Variants in MELK observed in about 807,000 individuals in gnomAD.
MELK encodes maternal embryonic leucine zipper kinase, also known as pEg3 kinase.
Under a neutral mutation model 85.0 loss-of-function variants are expected in MELK, and 81 were observed. That is an observed-to-expected ratio of 0.95 (90% confidence interval 0.80 to 1.15). The LOEUF is 1.15. MELK is among the 50% of genes most tolerant of loss of function. The probability of loss-of-function intolerance (pLI) is 0.00; values close to 1 mark genes in which losing one functional copy is unlikely to be tolerated. For missense variants in MELK, 754 were observed against 777.5 expected (o/e 0.97, Z 0.36); for synonymous variants, 252 against 265.0 (o/e 0.95, Z 0.48).
At chr9:36,657,459 A>G (rs1362320394) in intron 13 of MELK, 96 bp downstream of exon 13, 19 of 1,338,858 alleles carry the variant, frequency 1.4e-5, no homozygotes, top group South Asian at 3.1e-5. Flanking sequence ...TGCAAATTTA[A>G]TGAATGCTTA....
intron 8 of MELK, among the ~76,000 whole-genome samples, chr9:36,615,061 G>A (rs548635543): frequency 3.1e-5 from 4 of 128,580 alleles, no homozygotes; most frequent in East Asian, 2.3e-4. Flanking sequence ...CTGGCCGGGC[G>A]GGGGGGCTGA....
chr9:36,650,981 A>G (rs1331779449), intron 11 of MELK, among the ~76,000 whole-genome samples: 2 of 152,256 alleles, frequency 1.3e-5, no homozygotes. Context: ...AAACAAAGGT[A>G]TAAAAAAATG....
intron 15 of MELK, among the ~76,000 whole-genome samples, chr9:36,669,880 A>G (rs113271266): frequency 0.08 from 2,580 of 32,342 alleles, 68 homozygotes; most frequent in African/African-American, 0.21. Flanking sequence ...TTTCAAGACA[A>G]TTGGAGAATT....
rs1257454692 is a variant in MELK, at chr9:36,642,996, G to A, written c.835-1G>A. The A allele has an allele frequency of 2.5e-6, 4 of 1,594,898 alleles. No homozygotes were observed. In the Admixed American group the frequency reaches 5.4e-5, roughly 22 times the overall value. On this transcript the variant is annotated splice_acceptor_variant, in intron 10 of 17. Coordinates refer to ENST00000298048, the MANE Select transcript of MELK (RefSeq NM_014791.4). LOFTEE classifies it high-confidence loss of function. Reference sequence around the variant, plus strand: ...ATAAAGTGCATAATTTTTTTTTGTAGTTTATTCACCTCGATGATGATTGCG... The same window carrying A: ...ATAAAGTGCATAATTTTTTTTTGTAATTTATTCACCTCGATGATGATTGCG...
At chr9:36,609,886 G>T (rs1003399145) in intron 8 of MELK, among the ~76,000 whole-genome samples, 1 of 152,176 alleles carries the variant, frequency 6.6e-6, no homozygotes, top group Non-Finnish European at 1.5e-5. Context: ...TCTTGTTGGA[G>T]ACAGGTATAA....
intron 8 of MELK, among the ~76,000 whole-genome samples, chr9:36,613,013 C>A (rs142480791): frequency 1.6e-3 from 243 of 152,278 alleles, no homozygotes; most frequent in African/African-American, 5.7e-3. Flanking sequence ...CAGTGTTTGC[C>A]CTGTGTGCTG....
In MELK at chr9:36,677,238, A is replaced by G. The variant is rs772867608; in HGVS notation, c.1857A>G (p.Gln619=). ...MQFELEVCQL[Q]KPDVVGIRRQ... is the part of the protein sequence containing the mutation. ...TTGAATTAGAAGTGTGCCAGCTTCA[A>G]AAACCCGATGTGGTGGGTATCAGGA... The change falls in exon 18 of 18, where the codon CAA becomes CAG. Residue 619 remains glutamine (Q), a synonymous_variant. Coordinates refer to ENST00000298048, the MANE Select transcript of MELK (RefSeq NM_014791.4). 5.0e-6 allele frequency: 8 copies of G among 1,614,056 alleles called. No individual in the cohort carries two copies. The Admixed American group carries it at 1.0e-4, about 20-fold the overall frequency.
chr9:36,598,146 A>G (rs914819997), intron 6 of MELK, among the ~76,000 whole-genome samples: 3 of 150,264 alleles, frequency 2.0e-5, no homozygotes, highest in Non-Finnish European at 4.4e-5. Context: ...AGAAACTATA[A>G]GTGGAACCTT....
chr9:36,600,303 T>C (rs1824783765), intron 7 of MELK, among the ~76,000 whole-genome samples: 1 of 152,082 alleles, frequency 6.6e-6, no homozygotes, highest in Admixed American at 6.6e-5. Flanking sequence ...TTGGCCAGGC[T>C]GGTTTCAAAC....
intron 11 of MELK, among the ~76,000 whole-genome samples, chr9:36,651,375 C>T (rs1365870217): frequency 2.0e-5 from 3 of 152,022 alleles, no homozygotes; most frequent in African/African-American, 7.2e-5. Flanking sequence ...TAGGAGGATA[C>T]AGGGAGGAGA....
intron 16 of MELK, among the ~76,000 whole-genome samples, chr9:36,671,466 G>T (rs1233322609): frequency 6.6e-6 from 1 of 152,168 alleles, no homozygotes; most frequent in Non-Finnish European, 1.5e-5. Context: ...AGAGCTGAGA[G>T]CTGCCTTAAG....
chr9:36,666,418 C>G (rs1832338467), intron 14 of MELK, among the ~76,000 whole-genome samples: 1 of 152,122 alleles, frequency 6.6e-6, no homozygotes, highest in Non-Finnish European at 1.5e-5. Flanking sequence ...GTACACAGTA[C>G]TAGACCTGAT....
chr9:36,615,355 C>A (rs1295254194), intron 8 of MELK, among the ~76,000 whole-genome samples: 103 of 131,914 alleles, frequency 7.8e-4, no homozygotes, highest in Non-Finnish European at 1.3e-3. Context: ...CTGACCCCCC[C>A]ACCTCCCTCC....
At chr9:36,615,540 C>T (rs1246651418) in intron 8 of MELK, among the ~76,000 whole-genome samples, 84 of 135,076 alleles carry the variant, frequency 6.2e-4, no homozygotes, top group African/African-American at 2.3e-3. Flanking sequence ...CGGGCGGAGA[C>T]GCTCCTCACT....
intron 8 of MELK, among the ~76,000 whole-genome samples, chr9:36,617,960 T>C (rs1287363175): frequency 6.6e-6 from 1 of 151,670 alleles, no homozygotes; most frequent in East Asian, 1.9e-4. Context: ...ACTCCGTCTC[T>C]ACAAAAAATA....
intron 3 of MELK, among the ~76,000 whole-genome samples, chr9:36,587,048 A>G (rs1272337248): frequency 6.6e-6 from 1 of 151,696 alleles, no homozygotes; most frequent in African/African-American, 2.4e-5. Flanking sequence ...ACGGGTTTTC[A>G]CCGTGTTAGC....
rs1381305654 is a variant in MELK, at chr9:36,588,301, C to T, written c.145-1235C>T. On this transcript the variant is annotated intron_variant, in intron 3 of 17. Transcript: ENST00000298048. Reference sequence around the variant, plus strand: ...GCCAGGATGGTCCTGAACTCCTGACCTCAGTTGATCTGCCCACCTTGGCCT... The same window carrying T: ...GCCAGGATGGTCCTGAACTCCTGACTTCAGTTGATCTGCCCACCTTGGCCT... 2.0e-5 allele frequency among the ~76,000 whole-genome samples: 3 copies of T among 149,838 alleles called. 1 individual carries two copies. Among genetic ancestry groups the T allele is most frequent in the African/African-American group, 7.6e-5 (3 of 39,506 alleles).
At chr9:36,641,533 G>C (rs973533246) in intron 10 of MELK, among the ~76,000 whole-genome samples, 1 of 151,896 alleles carries the variant, frequency 6.6e-6, no homozygotes, top group Non-Finnish European at 1.5e-5. Context: ...CAGCTGTTCT[G>C]TGTACCCTGG....
intron 3 of MELK, among the ~76,000 whole-genome samples, chr9:36,585,263 T>C (rs1291521710): frequency 6.6e-6 from 1 of 151,762 alleles, no homozygotes; most frequent in East Asian, 1.9e-4. Context: ...GAAGTCACCT[T>C]GAGTCATCTT....
Sources: gnomAD v4.1 joint callset for allele counts (sites outside exome capture counted in the v4.1 genomes callset) on GRCh38, gnomAD v4.1.1 for gene constraint, MANE v1.5 for transcripts, NCBI Gene and HGNC (gene_info 2026-07-23, HGNC 2026-07-21) for gene names.